The following AGBL4 variants were observed in gnomAD, a reference collection of about 807,000 sequenced individuals.
AGBL4 encodes the protein cytosolic carboxypeptidase 6.
A neutral mutation model predicts 66.4 loss-of-function variants in AGBL4; 58 were observed. That is an observed-to-expected ratio of 0.87 (90% CI 0.71 to 1.09). AGBL4 has a LOEUF of 1.09. Among genes scored for constraint, AGBL4 ranks in the 50% least tolerant of loss-of-function variants. The pLI is 0.00. For synonymous variants in AGBL4, 234 were observed against 222.9 expected, an observed-to-expected ratio of 1.05 and a Z score of -0.44; for missense variants, 579 against 631.0, an observed-to-expected ratio of 0.92 and a Z score of 0.88.
intron 3 of AGBL4, among the ~76,000 whole-genome samples, chr1:49,408,779 C>T (rs1271769425): frequency 6.6e-6 from 1 of 152,184 alleles, no homozygotes; most frequent in Non-Finnish European, 1.5e-5. Flanking sequence ...TGTCAGCTTC[C>T]CTAATTTTAA....
At chr1:49,618,488 C>T (rs1645294016) in intron 3 of AGBL4, among the ~76,000 whole-genome samples, 1 of 131,846 alleles carries the variant, frequency 7.6e-6, no homozygotes, top group African/African-American at 2.5e-5. Context: ...AGCCTACTAA[C>T]CAAAAAAGCC....
chr1:49,883,370 C>T lies in AGBL4; in HGVS notation c.35-31852G>A, dbSNP rs189205191. On this transcript the variant is annotated intron_variant, in intron 1 of 13. Transcript: ENST00000371839. ...TGTCATCTCCTCTGGGAAGTCATAT[C>T]TGACTTCCCCAAGCAAAGATAATTA... Among the ~76,000 whole-genome samples the T allele has an allele frequency of 4.2e-4, 64 of 152,180 alleles. 2 individuals are homozygous for T. The East Asian group carries it at 9.7e-3, about 23-fold the overall frequency.
intron 3 of AGBL4, among the ~76,000 whole-genome samples, chr1:49,344,480 T>G (rs1212760583): frequency 1.3e-5 from 2 of 152,130 alleles, no homozygotes; most frequent in African/African-American, 4.8e-5. Flanking sequence ...AAGCTAAAGA[T>G]TTGAGCAAGC....
At chr1:49,750,026 A>G (rs1651323903) in intron 2 of AGBL4, among the ~76,000 whole-genome samples, 2 of 152,320 alleles carry the variant, frequency 1.3e-5, no homozygotes, top group South Asian at 4.1e-4. Context: ...AACAAAGATG[A>G]CAAGGCAATT....
chr1:49,364,631 C>T (rs1019114336), intron 3 of AGBL4, among the ~76,000 whole-genome samples: 1 of 152,136 alleles, frequency 6.6e-6, no homozygotes, highest in South Asian at 2.1e-4. Context: ...ACGTGCACCA[C>T]CACACCTGGC....
rs539517630 is a variant in AGBL4, at chr1:49,741,071, G to A, written c.158-43634C>T. Among the ~76,000 whole-genome samples, 9 of 126,516 alleles carry A rather than the reference G, an allele frequency of 7.1e-5. No individual in the cohort carries two copies. The South Asian group carries it at 2.2e-3, about 32-fold the overall frequency. 83.0% of individuals were successfully genotyped at this position (126,516 alleles called of 152,430 possible). ...GATCAGAGCAGAACTGAAGTAGATA[G>A]AGACATAAAAAAACCCTTCAAAAAA... On this transcript the variant is annotated intron_variant, in intron 2 of 13. Coordinates refer to ENST00000371839, the MANE Select transcript of AGBL4 (RefSeq NM_032785.4).
intron 3 of AGBL4, among the ~76,000 whole-genome samples, chr1:49,535,635 T>C (rs1243781663): frequency 6.6e-6 from 1 of 152,080 alleles, no homozygotes; most frequent in African/African-American, 2.4e-5. Context: ...TATCCAACAT[T>C]GACATTTTTG....
intron 3 of AGBL4, among the ~76,000 whole-genome samples, chr1:49,251,053 G>A (rs1652019129): frequency 6.6e-6 from 1 of 152,124 alleles, no homozygotes; most frequent in Non-Finnish European, 1.5e-5. Flanking sequence ...AGATGGGGCT[G>A]GTCCAATATG....
Position 48,543,529 on chromosome 1 carries a change from G to C in AGBL4, c.1268-3791C>G, listed in dbSNP as rs141871555. 1.5e-3 allele frequency among the ~76,000 whole-genome samples: 224 copies of C among 152,326 alleles called. 1 individual carries two copies. The highest frequency in any genetic ancestry group is 4.9e-3 in the African/African-American group (202 of 41,574). ...GTGGGAGGGGTCTTGGTAGGTCATA[G>C]TGGAAAGGACAAAGTGGAGTGGGAA... is the stretch of plus-strand genomic sequence containing the variant. On this transcript the variant is annotated intron_variant, in intron 11 of 13. Coordinates refer to ENST00000371839, the MANE Select transcript of AGBL4 (RefSeq NM_032785.4).
At chr1:49,651,016 G>A (rs2124446898) in intron 3 of AGBL4, among the ~76,000 whole-genome samples, 1 of 152,268 alleles carries the variant, frequency 6.6e-6, no homozygotes, top group Admixed American at 6.5e-5. Context: ...TCCGTACACA[G>A]AGCAGTAGCG....
At chr1:49,802,473 G>T (rs1468101764) in intron 2 of AGBL4, among the ~76,000 whole-genome samples, 7 of 152,246 alleles carry the variant, frequency 4.6e-5, no homozygotes, top group African/African-American at 1.7e-4. Context: ...CTAATCATAG[G>T]TTATGGAAAA....
At chr1:48,592,716 A>G (rs1276493554) in intron 9 of AGBL4, among the ~76,000 whole-genome samples, 2 of 152,230 alleles carry the variant, frequency 1.3e-5, no homozygotes, top group Non-Finnish European at 1.5e-5. Context: ...TCTCGATGTC[A>G]GAGCTAGAGA....
intron 3 of AGBL4, among the ~76,000 whole-genome samples, chr1:49,456,762 T>C (rs1646399610): frequency 6.6e-6 from 1 of 151,588 alleles, no homozygotes; most frequent in African/African-American, 2.4e-5. Context: ...GTCCATTGTA[T>C]CATTTTTATG....
intron 2 of AGBL4, among the ~76,000 whole-genome samples, chr1:49,711,613 C>T (rs1236674406): frequency 6.6e-6 from 1 of 151,924 alleles, no homozygotes; most frequent in African/African-American, 2.4e-5. Context: ...ATCTTGCAGG[C>T]GCTGGATATA....
At chr1:48,644,273 C>T (rs559613138) in intron 8 of AGBL4, among the ~76,000 whole-genome samples, 35 of 152,222 alleles carry the variant, frequency 2.3e-4, no homozygotes, top group African/African-American at 2.4e-4. Context: ...TGGCCAACTC[C>T]CACTCATCCT....
intron 3 of AGBL4, among the ~76,000 whole-genome samples, chr1:49,366,391 G>A (rs1300533780): frequency 6.6e-6 from 1 of 152,070 alleles, no homozygotes; most frequent in African/African-American, 2.4e-5. Flanking sequence ...AAAATGAGAT[G>A]TCTATAAGAA....
At chr1:49,579,244 A>G (rs896803094) in intron 3 of AGBL4, among the ~76,000 whole-genome samples, 1 of 152,174 alleles carries the variant, frequency 6.6e-6, no homozygotes, top group African/African-American at 2.4e-5. Flanking sequence ...ATATATATAC[A>G]TCTCTCTCCT....
intron 4 of AGBL4, among the ~76,000 whole-genome samples, chr1:49,190,227 T>C (rs1016262640): frequency 3.3e-5 from 5 of 152,182 alleles, no homozygotes; most frequent in South Asian, 2.1e-4. Flanking sequence ...GTTTCTAAGA[T>C]AAGCAGGGCT....
At chr1:49,909,208 A>G (rs1232764855) in intron 1 of AGBL4, among the ~76,000 whole-genome samples, 1 of 152,186 alleles carries the variant, frequency 6.6e-6, no homozygotes, top group Non-Finnish European at 1.5e-5. Flanking sequence ...GTAATTTTTG[A>G]AGTATCTGGC....
Sources: allele counts gnomAD v4.1 joint callset (sites outside exome capture counted in the v4.1 genomes callset), GRCh38; gene constraint gnomAD v4.1.1; transcripts MANE v1.5; gene names NCBI Gene and HGNC (gene_info 2026-07-23, HGNC 2026-07-21).